OSBPL6: variants seen among roughly 807,000 people sequenced by gnomAD.
OSBPL6 encodes oxysterol binding protein like 6, also known as oxysterol-binding protein-related protein 6.
OSBPL6 carries 49 observed loss-of-function variants against 125.8 expected under a neutral mutation model. The ratio of observed to expected loss-of-function variants is 0.39; its 90% CI spans 0.31 to 0.49. OSBPL6 has a LOEUF of 0.49. Ranked by LOEUF, OSBPL6 falls within the 20% of genes least tolerant of loss-of-function variation. The probability of loss-of-function intolerance (pLI) is 0.88; values close to 1 mark genes in which losing one functional copy is unlikely to be tolerated. For missense variants in OSBPL6, 986 were observed against 1,135.4 expected (o/e 0.87, Z 1.89); for synonymous variants, 394 against 391.8 (o/e 1.01, Z -0.07).
chr2:178,233,506 G>A (rs910549402), intron 1 of OSBPL6, among the ~76,000 whole-genome samples: 2 of 152,072 alleles, frequency 1.3e-5, no homozygotes, highest in African/African-American at 4.8e-5. Flanking sequence ...AGAATTACTG[G>A]GGATATTATT....
chr2:178,329,348 C>G (rs1056757091), intron 5 of OSBPL6, among the ~76,000 whole-genome samples: 1 of 152,034 alleles, frequency 6.6e-6, no homozygotes, highest in African/African-American at 2.4e-5. Context: ...AGCAAGGATT[C>G]TGTCATACTA....
intron 23 of OSBPL6, among the ~76,000 whole-genome samples, chr2:178,393,547 A>T (rs1200389666): frequency 6.6e-6 from 1 of 152,086 alleles, no homozygotes; most frequent in Non-Finnish European, 1.5e-5. Flanking sequence ...CCACTATTTA[A>T]TTCTCTTCTA....
intron 2 of OSBPL6, among the ~76,000 whole-genome samples, chr2:178,299,023 C>A (rs537890775): frequency 6.6e-6 from 1 of 152,204 alleles, no homozygotes; most frequent in African/African-American, 2.4e-5. Flanking sequence ...GCCAAAAAGT[C>A]TTAGCACTGT....
chr2:178,383,714 C>T (rs538762059), intron 17 of OSBPL6, among the ~76,000 whole-genome samples: 1 of 152,334 alleles, frequency 6.6e-6, no homozygotes, highest in East Asian at 1.9e-4. Flanking sequence ...TCCTCATGCA[C>T]ATGAGGCTAA....
At chr2:178,255,193 A>T (rs1400834305) in intron 1 of OSBPL6, among the ~76,000 whole-genome samples, 1 of 152,224 alleles carries the variant, frequency 6.6e-6, no homozygotes, top group Non-Finnish European at 1.5e-5. Flanking sequence ...AGTCCCAGCT[A>T]CTTGGGAGGC....
At chr2:178,332,248 C>T (rs1242991040) in intron 6 of OSBPL6, among the ~76,000 whole-genome samples, 3 of 152,152 alleles carry the variant, frequency 2.0e-5, no homozygotes, top group Admixed American at 6.5e-5. Flanking sequence ...CCCTGTTCTG[C>T]CCCAGCAGCT....
intron 1 of OSBPL6, among the ~76,000 whole-genome samples, chr2:178,209,400 T>C (rs1051908504): frequency 1.3e-4 from 19 of 151,740 alleles, no homozygotes; most frequent in Non-Finnish European, 5.9e-5. Context: ...AGCTTTTCTA[T>C]TGAGTTTTGC....
chr2:178,330,231 A>G (rs1261234811), intron 5 of OSBPL6, among the ~76,000 whole-genome samples: 2 of 152,222 alleles, frequency 1.3e-5, no homozygotes, highest in Non-Finnish European at 2.9e-5. Flanking sequence ...ACCACAGGAA[A>G]AAACCGTCAA....
chr2:178,352,437 C>T (rs1256136816), intron 12 of OSBPL6, among the ~76,000 whole-genome samples: 1 of 152,246 alleles, frequency 6.6e-6, no homozygotes, highest in Non-Finnish European at 1.5e-5. Flanking sequence ...GAGATTCTCT[C>T]CTGTGCCTGG....
At chr2:178,393,226 T>C (rs1021750317) in intron 23 of OSBPL6, among the ~76,000 whole-genome samples, 6 of 152,218 alleles carry the variant, frequency 3.9e-5, no homozygotes, top group African/African-American at 1.4e-4. Flanking sequence ...TCTTTTAAAC[T>C]GAAGAATAAT....
chr2:178,329,417 A>AT (rs199952604), intron 5 of OSBPL6, among the ~76,000 whole-genome samples: 4,314 of 139,518 alleles, frequency 0.031, 98 homozygotes, highest in Non-Finnish European at 0.039. Context: ...TTATTTACTT[A>AT]TTTTTTTTTT....
chr2:178,309,470 G>A (rs1687071822), intron 3 of OSBPL6, among the ~76,000 whole-genome samples: 1 of 152,014 alleles, frequency 6.6e-6, no homozygotes, highest in African/African-American at 2.4e-5. Flanking sequence ...CCTTCCTCAT[G>A]GATAAGTAAA....
At chr2:178,365,836 A>G (rs1337865082) in intron 13 of OSBPL6, among the ~76,000 whole-genome samples, 1 of 152,164 alleles carries the variant, frequency 6.6e-6, no homozygotes, top group Non-Finnish European at 1.5e-5. Context: ...TTTATGTGGC[A>G]TCTATCCCTT....
rs1366584113 is a variant in OSBPL6 at position 178,196,405 on chromosome 2, G to A, written c.-351+1731G>A. ...AATTCTGGTTTTGCTCATATTTTTG[G>A]ATGCAATGTTGATAACGCCATTATA... On this transcript the variant is annotated intron_variant, in intron 1 of 24. Coordinates refer to ENST00000190611, the MANE Select transcript of OSBPL6 (RefSeq NM_032523.4). Among the ~76,000 whole-genome samples the A allele has an allele frequency of 3.3e-5, 5 of 152,106 alleles. No individual in the cohort carries two copies. In the East Asian group the frequency reaches 9.6e-4, roughly 29 times the overall value.
chr2:178,392,270 A>T, intron 22 of OSBPL6, 142 bp from the exon 23 acceptor site: 1 of 971,352 alleles, frequency 1.0e-6, no homozygotes, highest in South Asian at 1.9e-5. Context: ...CCACCAATTT[A>T]ATTCACTTGA....
At chr2:178,293,140 G>C (rs1051882744) in intron 2 of OSBPL6, among the ~76,000 whole-genome samples, 4 of 151,984 alleles carry the variant, frequency 2.6e-5, no homozygotes, top group African/African-American at 4.8e-5. Context: ...TAGTATTTTT[G>C]TATCTTTCCT....
At chr2:178,331,473 G>A in intron 5 of OSBPL6, 79 bp from the exon 6 acceptor site, 1 of 1,429,180 alleles carries the variant, frequency 7.0e-7, no homozygotes, top group South Asian at 1.1e-5. Context: ...TAAATGCCAA[G>A]CAACATTAGA....
Position 178,401,240 on chromosome 2 carries a change from A to G in OSBPL6, c.*5681A>G, listed in dbSNP as rs1696096566. The G allele has an allele frequency of 6.6e-6, 1 of 152,218 alleles. No homozygotes were observed. Among genetic ancestry groups the G allele is most frequent in the African/African-American group, 2.4e-5 (1 of 41,462 alleles). 9.4% of individuals were successfully genotyped at this position (152,218 alleles called of 1,614,324 possible). A position where few individuals can be genotyped will look rare whatever the true frequency, so the allele number is the denominator to read the frequency against. On this transcript the variant is annotated 3_prime_UTR_variant, in exon 25 of 25. Transcript: ENST00000190611. ...ATATTTTGATGATGATGATCAGGGAAGTAGCCTATGCTGATTTATTTATCA... is the reference window on the plus strand; with the variant it reads ...ATATTTTGATGATGATGATCAGGGAGGTAGCCTATGCTGATTTATTTATCA...
intron 1 of OSBPL6, among the ~76,000 whole-genome samples, chr2:178,206,993 T>C (rs2089569178): frequency 6.6e-6 from 1 of 152,164 alleles, no homozygotes; most frequent in Admixed American, 6.5e-5. Context: ...GGTCTCAAAG[T>C]CCTGGACTCA....
Sources: gnomAD v4.1 joint callset for allele counts (sites outside exome capture counted in the v4.1 genomes callset) on GRCh38, gnomAD v4.1.1 for gene constraint, MANE v1.5 for transcripts, NCBI Gene and HGNC (gene_info 2026-07-23, HGNC 2026-07-21) for gene names.